Variants in SAMD5 observed in about 807,000 individuals in gnomAD.
SAMD5 encodes the protein sterile alpha motif domain-containing protein 5.
Under a neutral mutation model 11.3 loss-of-function variants are expected in SAMD5, and 13 were observed. That is an observed-to-expected ratio of 1.15 (90% CI 0.75 to 1.83). SAMD5 has a LOEUF of 1.83. SAMD5 is among the 40% of genes most tolerant of loss of function. The pLI is 0.00. For synonymous variants in SAMD5, 129 were observed against 111.3 expected (o/e 1.16, Z -1.00); for missense variants, 255 against 239.1 (o/e 1.07, Z -0.44).
intron 1 of SAMD5, among the ~76,000 whole-genome samples, chr6:147,556,367 C>G (rs1436094444): frequency 6.6e-6 from 1 of 152,256 alleles, no homozygotes; most frequent in Non-Finnish European, 1.5e-5. Context: ...GCTGGGATTA[C>G]AGGCGTGAGC....
At chr6:147,681,691 A>G (rs1346542393) in intron 1 of SAMD5, among the ~76,000 whole-genome samples, 2 of 152,138 alleles carry the variant, frequency 1.3e-5, no homozygotes, top group South Asian at 2.1e-4. Context: ...CTGGCATGCA[A>G]TTAAATTACT....
At chr6:147,594,925 T>G (rs1438787134) in intron 1 of SAMD5, among the ~76,000 whole-genome samples, 1 of 152,240 alleles carries the variant, frequency 6.6e-6, no homozygotes, top group Non-Finnish European at 1.5e-5. Context: ...GCCTGCATCT[T>G]GAAATATGAC....
intron 1 of SAMD5, among the ~76,000 whole-genome samples, chr6:147,598,616 T>C (rs1323148061): frequency 2.0e-5 from 3 of 152,188 alleles, no homozygotes; most frequent in African/African-American, 7.2e-5. Context: ...CATGAGAAAT[T>C]GCACTGGGAA....
At chr6:147,809,175 T>C in the SAMD5 span, among the ~76,000 whole-genome samples, 2 of 152,224 alleles carry the variant, frequency 1.3e-5, no homozygotes, top group Non-Finnish European at 1.5e-5. Context: ...TCTTTTTTTT[T>C]CCTTCTGCAT....
rs546564163 is a variant in SAMD5, at chr6:147,619,596, A to G, written c.162+110209A>G. On this transcript the variant is annotated intron_variant, in intron 1 of 1. Transcript: ENST00000566741. ...CTAAATAAATAGAATTGAAGAAGGA[A>G]AATTGTGCTATTTCTGCTTTTCTGT... 3.3e-5 allele frequency among the ~76,000 whole-genome samples: 5 copies of G among 152,318 alleles called. No individual in the cohort carries two copies. In the East Asian group the frequency reaches 9.6e-4, roughly 29 times the overall value.
rs202016960 is a variant in SAMD5 at position 147,556,861 on chromosome 6, A to G, written c.460-7533A>G. On this transcript the variant is annotated intron_variant, in intron 1 of 1. Transcript: ENST00000367474. ...ACGATAGTATGTTATTTATAGAGCA[A>G]TGCTTGAAAGTGGCCACTAAAACCT... Among the ~76,000 whole-genome samples the G allele has an allele frequency of 1.5e-4, 23 of 152,346 alleles. No individual in the cohort carries two copies. The East Asian group carries it at 2.9e-3, about 19-fold the overall frequency.
chr6:147,754,750 T>G, the SAMD5 span, among the ~76,000 whole-genome samples: 1 of 152,088 alleles, frequency 6.6e-6, no homozygotes, highest in African/African-American at 2.4e-5. Flanking sequence ...TGGCAAGAGA[T>G]AGGGGTCTAG....
the SAMD5 span, among the ~76,000 whole-genome samples, chr6:147,778,273 T>A: frequency 6.6e-6 from 1 of 152,178 alleles, no homozygotes; most frequent in Non-Finnish European, 1.5e-5. Context: ...ATCCCTTTGG[T>A]GATCTCCTCC....
intron 1 of SAMD5, among the ~76,000 whole-genome samples, chr6:147,665,257 ATATC>A (rs1790701800): frequency 6.6e-6 from 1 of 152,170 alleles, no homozygotes; most frequent in African/African-American, 2.4e-5. Flanking sequence ...CTTTTCATAT[ATATC>A]AGTCAAATAA....
intron 1 of SAMD5, among the ~76,000 whole-genome samples, chr6:147,516,775 C>T (rs530881592): frequency 1.2e-4 from 18 of 152,296 alleles, no homozygotes; most frequent in East Asian, 1.9e-4. Context: ...TGGCCCAAGT[C>T]GCAGAGCAGC....
intron 1 of SAMD5, among the ~76,000 whole-genome samples, chr6:147,639,170 TG>T (rs1790274513): frequency 6.6e-6 from 1 of 152,206 alleles, no homozygotes. Flanking sequence ...TTGGAATCCA[TG>T]ACAGGAAGCC....
chr6:147,774,774 G>A, the SAMD5 span, among the ~76,000 whole-genome samples: 1 of 152,082 alleles, frequency 6.6e-6, no homozygotes, highest in Admixed American at 6.5e-5. Context: ...ATCTGTGGAT[G>A]TGGAACCCAT....
chr6:147,932,350 C>T, the SAMD5 span, among the ~76,000 whole-genome samples: 4 of 152,080 alleles, frequency 2.6e-5, no homozygotes, highest in East Asian at 1.9e-4. Context: ...AACTAGTAGG[C>T]TCAACCATGG....
the SAMD5 span, among the ~76,000 whole-genome samples, chr6:147,924,374 C>T: frequency 1.3e-5 from 2 of 152,046 alleles, no homozygotes; most frequent in African/African-American, 2.4e-5. Context: ...ATAGGGTGCA[C>T]TGAAGATAAA....
chr6:147,574,690 A>G (rs1474280590), downstream of SAMD5, among the ~76,000 whole-genome samples: 1 of 152,204 alleles, frequency 6.6e-6, no homozygotes, highest in Non-Finnish European at 1.5e-5. Context: ...TGAGGGTTGC[A>G]TTCTCCAGAG....
intron 1 of SAMD5, among the ~76,000 whole-genome samples, chr6:147,665,594 T>C (rs999081890): frequency 1.3e-5 from 2 of 152,194 alleles, no homozygotes; most frequent in African/African-American, 4.8e-5. Context: ...CCTGATGTAA[T>C]GAGAGGGTGA....
intron 1 of SAMD5, among the ~76,000 whole-genome samples, chr6:147,708,768 A>G (rs890212674): frequency 6.6e-6 from 1 of 152,198 alleles, no homozygotes; most frequent in Non-Finnish European, 1.5e-5. Context: ...TGGGGATGAT[A>G]AATGAGCCCA....
downstream of SAMD5, among the ~76,000 whole-genome samples, chr6:147,571,266 G>T (rs149674971): frequency 1.3e-5 from 2 of 152,282 alleles, no homozygotes; most frequent in African/African-American, 2.4e-5. Context: ...CTGCAGTAAA[G>T]TTCACAAATA....
chr6:147,572,529 G>A (rs1164388919), downstream of SAMD5, among the ~76,000 whole-genome samples: 2 of 152,136 alleles, frequency 1.3e-5, no homozygotes, highest in East Asian at 1.9e-4. Flanking sequence ...TGGCTAGAGT[G>A]CAGTGGTATG....
Sources: allele counts gnomAD v4.1 joint callset (sites outside exome capture counted in the v4.1 genomes callset), GRCh38; gene constraint gnomAD v4.1.1; transcripts MANE v1.5; gene names NCBI Gene and HGNC (gene_info 2026-07-23, HGNC 2026-07-21).